The following CALB2 variants were observed in gnomAD, a reference collection of about 807,000 sequenced individuals.
The protein encoded by CALB2 is calretinin.
CALB2 carries 34 observed loss-of-function variants against 45.9 expected under a neutral mutation model. That is an observed-to-expected ratio of 0.74 (90% CI 0.56 to 0.99). CALB2 has a LOEUF of 0.99. CALB2 is among the 50% of genes least tolerant of loss of function. CALB2 has a pLI of 0.00. For missense variants in CALB2, 344 were observed against 339.3 expected (o/e 1.01, Z -0.11); for synonymous variants, 142 against 129.6 (o/e 1.10, Z -0.65).
intron 10 of CALB2, among the ~76,000 whole-genome samples, chr16:71,388,868 C>A (rs1234259744): frequency 6.6e-6 from 1 of 151,884 alleles, no homozygotes; most frequent in Non-Finnish European, 1.5e-5. Context: ...TGACAGGTGC[C>A]TGTAATCCCA....
At position 71,372,245 on chromosome 16, in the gene CALB2, T is replaced by A. The variant is rs1203181626; in HGVS notation, c.171+16T>A. 1.3e-6 allele frequency: 2 copies of A among 1,597,356 alleles called. No homozygotes were observed. The highest frequency in any genetic ancestry group is 2.7e-5 in the African/African-American group (2 of 74,266). On this transcript the variant is annotated intron_variant, in intron 2 of 10. Transcript: ENST00000302628. ...CTCTGGCATGGTAAGCCCAGCCCTG[T>A]CTCCGATTGTGTGGGATTTTCCTGA...
intron 10 of CALB2, among the ~76,000 whole-genome samples, chr16:71,388,334 C>CAAAAAAAAAAAAAAAAAAAAAAAA (rs71153632): frequency 9.7e-6 from 1 of 103,430 alleles, no homozygotes. Flanking sequence ...GACCTTATCT[C>CAAAAAAAAAAAAAAAAAAAAAAAA]AAAAAAAAAA....
chr16:71,389,990 G>A lies in CALB2; in HGVS notation c.*125G>A. 2 of 673,382 alleles carry A rather than the reference G, an allele frequency of 3.0e-6. No homozygotes were observed. The highest frequency in any genetic ancestry group is 3.6e-5 in the African/African-American group (2 of 55,938). 41.7% of individuals were successfully genotyped at this position (673,382 alleles called of 1,614,324 possible). ...CCCTACAGCCTGCACACACCTGCCT[G>A]CAGAGCAGGAAATGAGAGATAGAGG... On this transcript the variant is annotated 3_prime_UTR_variant, in exon 11 of 11. Coordinates refer to ENST00000302628, the MANE Select transcript of CALB2 (RefSeq NM_001740.5).
chr16:71,360,345 G>C (rs956277578), intron 1 of CALB2, among the ~76,000 whole-genome samples: 2 of 152,188 alleles, frequency 1.3e-5, no homozygotes, highest in Non-Finnish European at 2.9e-5. Flanking sequence ...CCTGAGTTAG[G>C]ACTGTGATCT....
chr16:71,378,118 G>T (rs188909854), intron 4 of CALB2, among the ~76,000 whole-genome samples: 1 of 152,242 alleles, frequency 6.6e-6, no homozygotes, highest in Admixed American at 6.5e-5. Context: ...CAGCTATTCG[G>T]GAAGCTGAGG....
rs764070847 is a variant in CALB2 at position 71,383,990 on chromosome 16, C to T, written c.498C>T (p.Asn166=). ...TQTILRMFDL[N]GDGKLGLSEM... ...AACAGCTACGGATGTTTGACTTGAACGGGGATGGCAAATTGGGCCTCTCAG... is the reference window on the plus strand; with the variant it reads ...AACAGCTACGGATGTTTGACTTGAATGGGGATGGCAAATTGGGCCTCTCAG... Residue 166 remains asparagine (N), a synonymous_variant, in exon 7 of 11, where the codon AAC becomes AAT. Coordinates refer to ENST00000302628, the MANE Select transcript of CALB2 (RefSeq NM_001740.5). 45 of 1,613,774 alleles carry T rather than the reference C, an allele frequency of 2.8e-5. No homozygotes were observed. Among genetic ancestry groups the T allele is most frequent in the Admixed American group, 1.2e-4 (7 of 59,978 alleles).
chr16:71,360,155 C>T (rs1365832124), intron 1 of CALB2, among the ~76,000 whole-genome samples: 1 of 152,200 alleles, frequency 6.6e-6, no homozygotes, highest in African/African-American at 2.4e-5. Flanking sequence ...GTGCCTCACT[C>T]CATTCTTCCC....
intron 4 of CALB2, among the ~76,000 whole-genome samples, chr16:71,379,238 C>T (rs1273767522): frequency 6.6e-6 from 1 of 151,710 alleles, no homozygotes; most frequent in African/African-American, 2.4e-5. Flanking sequence ...GATCGTGCCA[C>T]TGCACTCCAG....
rs753326495 is a variant in CALB2, at chr16:71,384,813, G to T, written c.604G>T (p.Ala202Ser). Residue 202 changes from alanine (A) to serine (S), a missense_variant, in exon 9 of 11, where the codon GCG becomes TCG. Ala to Ser is a moderately conservative substitution (Grantham distance 99). Transcript: ENST00000302628. ...GAAGCTGACCTCAGAGGAGTTTAAC[G>T]CGATCTTCACATTTTACGACAAGGT... ...GMKLTSEEFN[A>S]IFTFYDKDRS... is the part of the protein sequence containing the mutation. The T allele has an allele frequency of 6.2e-7, 1 of 1,607,152 alleles. No individual in the cohort carries two copies. Among genetic ancestry groups the T allele is most frequent in the East Asian group, 2.2e-5 (1 of 44,474 alleles).
In CALB2 at chr16:71,384,353, A is replaced by G. The variant is rs1297999637; in HGVS notation, c.548A>G (p.Gln183Arg). Residue 183 changes from glutamine to arginine, a missense_variant, in exon 8 of 11, where the codon CAG (glutamine) becomes CGG (arginine). Physicochemically the swap from Gln to Arg is conservative, Grantham distance 43. Around this residue, in one of 3 missense-constraint regions of CALB2, gnomAD observed 263 missense variants for 241.7 expected, o/e 1.09. Coordinates refer to ENST00000302628, the MANE Select transcript of CALB2 (RefSeq NM_001740.5). ...TTTCTCCCCAGACTCCTGCCTGTCCAGGAAAACTTCCTGCTTAAATTTCAG... is the reference window on the plus strand; with the variant it reads ...TTTCTCCCCAGACTCCTGCCTGTCCGGGAAAACTTCCTGCTTAAATTTCAG... ...LSEMSRLLPV[Q>R]ENFLLKFQGM... The G allele has an allele frequency of 9.9e-6, 16 of 1,613,102 alleles. No homozygotes were observed. The highest frequency in any genetic ancestry group is 1.3e-5 in the Non-Finnish European group (15 of 1,179,636).
intron 10 of CALB2, among the ~76,000 whole-genome samples, chr16:71,388,067 A>G (rs996554435): frequency 6.6e-6 from 1 of 152,222 alleles, no homozygotes; most frequent in Admixed American, 6.5e-5. Flanking sequence ...ACAGATATTC[A>G]TGAGCATGAC....
intron 2 of CALB2, among the ~76,000 whole-genome samples, chr16:71,374,389 A>G (rs2042386881): frequency 6.6e-6 from 1 of 152,238 alleles, no homozygotes; most frequent in Non-Finnish European, 1.5e-5. Flanking sequence ...AACCTGCTTC[A>G]GTAAAATGTT....
intron 5 of CALB2, 47 bp from the exon 6 acceptor site, chr16:71,383,320 A>T (rs769003219): frequency 6.6e-7 from 1 of 1,524,844 alleles, no homozygotes; most frequent in Non-Finnish European, 9.1e-7. Context: ...TGAATGAGGG[A>T]CCGAATGCAC....
At chr16:71,388,124 G>A (rs574883733) in intron 10 of CALB2, among the ~76,000 whole-genome samples, 1 of 152,152 alleles carries the variant, frequency 6.6e-6, no homozygotes, top group East Asian at 1.9e-4. Flanking sequence ...TGACCCATCA[G>A]CCTAGGAGGG....
chr16:71,384,276 C>A, intron 7 of CALB2, 63 bp from the exon 8 acceptor site: 2 of 1,366,664 alleles, frequency 1.5e-6, no homozygotes, highest in Non-Finnish European at 2.1e-6. Context: ...CTCTGCCTTC[C>A]CCTCTCCCGC....
intron 4 of CALB2, among the ~76,000 whole-genome samples, chr16:71,382,211 G>A (rs1474805241): frequency 6.9e-6 from 1 of 144,116 alleles, no homozygotes; most frequent in African/African-American, 2.5e-5. Context: ...AGAAATATGT[G>A]GCGCCAAATA....
At chr16:71,386,605 G>A (rs373904872) in intron 10 of CALB2, among the ~76,000 whole-genome samples, 5 of 152,292 alleles carry the variant, frequency 3.3e-5, no homozygotes, top group African/African-American at 7.2e-5. Context: ...CAGGTGGAAC[G>A]GCAGCCAGGA....
At chr16:71,367,669 G>A (rs2042303759) in intron 1 of CALB2, among the ~76,000 whole-genome samples, 1 of 152,180 alleles carries the variant, frequency 6.6e-6, no homozygotes, top group South Asian at 2.1e-4. Flanking sequence ...CTTGGGAAAT[G>A]GGCCCACATC....
chr16:71,389,775 C>A lies in CALB2; in HGVS notation c.726C>A (p.Asn242Lys). ...AAATGAATATTCAACAGCTCACCAA[C>A]TACAGAAAGAGCGTCATGTCCTTGG... ...KKEMNIQQLT[N>K]YRKSVMSLAE... The change falls in exon 11 of 11, where the codon AAC (asparagine) becomes AAA (lysine). Residue 242 changes from asparagine to lysine, a missense_variant. Physicochemically the swap from Asn to Lys is moderately conservative, Grantham distance 94. This residue lies in a region of CALB2 where 263 missense variants were observed against 241.7 expected (regional missense o/e 1.09). Coordinates refer to ENST00000302628, the MANE Select transcript of CALB2 (RefSeq NM_001740.5). 1 of 1,613,944 alleles carries A rather than the reference C, an allele frequency of 6.2e-7. No individual in the cohort carries two copies. The highest frequency in any genetic ancestry group is 8.5e-7 in the Non-Finnish European group (1 of 1,179,868).
Sources: allele counts gnomAD v4.1 joint callset (sites outside exome capture counted in the v4.1 genomes callset), GRCh38; gene constraint gnomAD v4.1.1; regional missense constraint gnomAD v4.1.1; transcripts MANE v1.5; gene names NCBI Gene and HGNC (gene_info 2026-07-23, HGNC 2026-07-21).